The following MAP4K4 variants were observed in gnomAD, a reference collection of about 807,000 sequenced individuals.
MAP4K4 encodes the protein mitogen-activated protein kinase kinase kinase kinase 4, also known as HPK/GCK-like kinase HGK.
A neutral mutation model predicts 189.6 loss-of-function variants in MAP4K4; 38 were observed. The observed-to-expected ratio is 0.20, with a 90% CI of 0.15 to 0.26. The LOEUF (loss-of-function observed/expected upper bound fraction) is 0.26, where lower values mean the gene tolerates loss of function less well. Ranked by LOEUF, MAP4K4 falls within the 10% of genes least tolerant of loss-of-function variation. The pLI, the probability that MAP4K4 is intolerant of heterozygous loss-of-function variation, is 1.00. For synonymous variants in MAP4K4, 610 were observed against 624.3 expected, an observed-to-expected ratio of 0.98 and a Z score of 0.34; for missense variants, 1,054 against 1,726.9, an observed-to-expected ratio of 0.61 and a Z score of 6.91.
chr2:101,746,926 G>A (rs566329956), intron 2 of MAP4K4, among the ~76,000 whole-genome samples: 1 of 152,162 alleles, frequency 6.6e-6, no homozygotes, highest in South Asian at 2.1e-4. Flanking sequence ...TTTACTGGTA[G>A]GGTTCTTAAT....
At chr2:101,893,256 A>G (rs2098594658) in exon 33 of MAP4K4, 1 of 456,440 alleles carries the variant, frequency 2.2e-6, no homozygotes, top group Non-Finnish European at 4.4e-6. Flanking sequence ...GTATACCTGT[A>G]AAGACAAGCT....
At chr2:101,797,465 G>C in intron 3 of MAP4K4, 2 of 1,138,466 alleles carry the variant, frequency 1.8e-6, no homozygotes, top group Non-Finnish European at 2.3e-6. Context: ...CTTATCTTCT[G>C]CTTTTCCCTT....
intron 22 of MAP4K4, 77 bp downstream of exon 22, chr2:101,869,874 T>C: frequency 6.9e-7 from 1 of 1,452,370 alleles, no homozygotes; most frequent in Non-Finnish European, 9.1e-7. Flanking sequence ...TAGTTGTTCC[T>C]AGACTATTCC....
At chr2:101,827,867 G>A (rs1229853717) in intron 5 of MAP4K4, among the ~76,000 whole-genome samples, 1 of 152,194 alleles carries the variant, frequency 6.6e-6, no homozygotes, top group Non-Finnish European at 1.5e-5. Context: ...AGGGAAAAAT[G>A]TTTCCTAGTT....
At chr2:101,716,865 T>C (rs977152077) in intron 2 of MAP4K4, among the ~76,000 whole-genome samples, 1 of 152,188 alleles carries the variant, frequency 6.6e-6, no homozygotes, top group African/African-American at 2.4e-5. Context: ...TTTCTTTTTG[T>C]CTCCTTTCTT....
chr2:101,772,246 C>T (rs527523295), intron 2 of MAP4K4, among the ~76,000 whole-genome samples: 1 of 152,288 alleles, frequency 6.6e-6, no homozygotes, highest in Admixed American at 6.5e-5. Flanking sequence ...TTCCTTGGTT[C>T]TTATTTCCTG....
intron 2 of MAP4K4, among the ~76,000 whole-genome samples, chr2:101,748,448 C>T (rs1388074834): frequency 6.6e-5 from 10 of 152,152 alleles, no homozygotes. Context: ...AACTTTCATG[C>T]GTCCATGTAA....
chr2:101,853,961 G>C (rs1233925098), intron 12 of MAP4K4, among the ~76,000 whole-genome samples: 2 of 152,142 alleles, frequency 1.3e-5, no homozygotes, highest in African/African-American at 4.8e-5. Flanking sequence ...TAACATGTTA[G>C]GGTAAATAAC....
intron 1 of MAP4K4, 71 bp from the exon 2 acceptor site, chr2:101,698,402 A>G (rs972531387): frequency 9.0e-5 from 124 of 1,375,964 alleles, no homozygotes; most frequent in Middle Eastern, 3.5e-4. Context: ...TTTCTCTCCA[A>G]CTGCCTTGCT....
In MAP4K4 at chr2:101,858,986, T is replaced by G; in HGVS notation, c.1396-10T>G. The G allele has an allele frequency of 6.2e-7, 1 of 1,602,028 alleles. No individual in the cohort carries two copies. Among genetic ancestry groups the G allele is most frequent in the Non-Finnish European group, 8.5e-7 (1 of 1,171,070 alleles). ...GATAATTTGATTGCTGGGTGATTTC[T>G]GTGTGACAGGAGTATATCAGGCGAC... On this transcript the variant is annotated splice_polypyrimidine_tract_variant and intron_variant, in intron 13 of 32. Transcript: ENST00000324219.
chr2:101,888,444 G>A (rs1160223369), intron 31 of MAP4K4, among the ~76,000 whole-genome samples: 1 of 152,072 alleles, frequency 6.6e-6, no homozygotes, highest in Non-Finnish European at 1.5e-5. Context: ...TTGTAATTAG[G>A]TCACTGTCTC....
At chr2:101,747,802 G>A (rs1220116363) in intron 2 of MAP4K4, among the ~76,000 whole-genome samples, 2 of 152,270 alleles carry the variant, frequency 1.3e-5, no homozygotes, top group Admixed American at 6.5e-5. Context: ...TGTCTAGTTT[G>A]GTCCAAGAAA....
rs75189305 is a variant in MAP4K4 at position 101,875,378 on chromosome 2, T to A, written c.3241+1126T>A. 2.2e-3 allele frequency among the ~76,000 whole-genome samples: 334 copies of A among 152,120 alleles called. 1 individual carries two copies. The highest frequency in any genetic ancestry group is 7.5e-3 in the African/African-American group (310 of 41,462). ...TAGTTGTACAGCATTTTTTTTTTTT[T>A]AATCTCTAAGGGTTAAGTCACTATG... is the stretch of plus-strand genomic sequence containing the variant. On this transcript the variant is annotated intron_variant, in intron 26 of 32. Transcript: ENST00000324219.
intron 2 of MAP4K4, among the ~76,000 whole-genome samples, chr2:101,780,815 C>T (rs1025981606): frequency 2.6e-5 from 4 of 152,158 alleles, no homozygotes; most frequent in African/African-American, 4.8e-5. Flanking sequence ...TTGACAGAGT[C>T]ATATGATTGA....
At chr2:101,870,562 C>A in intron 23 of MAP4K4, 147 bp downstream of exon 23, 1 of 1,115,124 alleles carries the variant, frequency 9.0e-7, no homozygotes, top group Non-Finnish European at 1.3e-6. Context: ...GTGTCGGGGG[C>A]TAGGGAGGCA....
intron 2 of MAP4K4, among the ~76,000 whole-genome samples, chr2:101,771,594 C>T (rs890196151): frequency 3.9e-5 from 6 of 152,160 alleles, no homozygotes; most frequent in African/African-American, 1.4e-4. Flanking sequence ...TTAACATCTT[C>T]CTAACCCTCA....
At chr2:101,844,492 C>T (rs1399729053) in intron 12 of MAP4K4, among the ~76,000 whole-genome samples, 181 bp downstream of exon 12, 1 of 152,284 alleles carries the variant, frequency 6.6e-6, no homozygotes, top group Admixed American at 6.5e-5. Flanking sequence ...CTTCACATTC[C>T]TTGAGGCCTT....
chr2:101,869,591 C>CT (rs763810764), intron 21 of MAP4K4, 31 bp from the exon 22 acceptor site: 4 of 1,575,522 alleles, frequency 2.5e-6, no homozygotes, highest in Non-Finnish European at 2.6e-6. Context: ...TCCTGCTTGC[C>CT]TTACTCTCTC....
intron 3 of MAP4K4, among the ~76,000 whole-genome samples, chr2:101,813,498 A>G (rs536614638): frequency 3.3e-5 from 5 of 152,188 alleles, no homozygotes; most frequent in Non-Finnish European, 7.3e-5. Flanking sequence ...CATATTGAAG[A>G]TCATTGGTTG....
Sources: gnomAD v4.1 joint callset for allele counts (sites outside exome capture counted in the v4.1 genomes callset) on GRCh38, gnomAD v4.1.1 for gene constraint, MANE v1.5 for transcripts, NCBI Gene and HGNC (gene_info 2026-07-23, HGNC 2026-07-21) for gene names.